The following GLRA3 variants were observed in gnomAD, a reference collection of about 807,000 sequenced individuals.
GLRA3 encodes the protein glycine receptor subunit alpha-3.
GLRA3 carries 44 observed loss-of-function variants against 60.4 expected under a neutral mutation model. That is an observed-to-expected ratio of 0.73 (90% CI 0.57 to 0.94). The LOEUF (loss-of-function observed/expected upper bound fraction) is 0.94, where lower values mean the gene tolerates loss of function less well. Ranked by LOEUF, GLRA3 falls within the 40% of genes least tolerant of loss-of-function variation. The probability of loss-of-function intolerance (pLI) is 0.00; values close to 1 mark genes in which losing one functional copy is unlikely to be tolerated. For synonymous variants in GLRA3, 223 were observed against 192.9 expected (o/e 1.16, Z -1.29); for missense variants, 508 against 564.6 (o/e 0.90, Z 1.02).
chr4:174,659,017 C>A, intron 8 of GLRA3, 37 bp downstream of exon 8: 1 of 1,571,192 alleles, frequency 6.4e-7, no homozygotes, highest in Non-Finnish European at 8.7e-7. Context: ...CGAGTGAAAA[C>A]TGGATTCTGC....
At chr4:174,820,947 C>T (rs952932152) in intron 1 of GLRA3, among the ~76,000 whole-genome samples, 2 of 149,404 alleles carry the variant, frequency 1.3e-5, no homozygotes, top group Non-Finnish European at 2.9e-5. Flanking sequence ...GATTTTTGTA[C>T]ATATTTCCTA....
intron 3 of GLRA3, among the ~76,000 whole-genome samples, chr4:174,751,057 GTCTGTCTATCTATCTATCTATCTA>G (rs1737455575): frequency 7.0e-6 from 1 of 142,288 alleles, no homozygotes; most frequent in Non-Finnish European, 1.5e-5. Flanking sequence ...AAGCCTGTCT[GTCTGTCTATCTATCTATCTATCTA>G]TCTATCTATC....
intron 1 of GLRA3, among the ~76,000 whole-genome samples, chr4:174,804,698 C>T (rs1439832662): frequency 6.6e-6 from 1 of 152,046 alleles, no homozygotes; most frequent in Non-Finnish European, 1.5e-5. Context: ...ATTTAATAGG[C>T]GAAAGCAAGA....
intron 1 of GLRA3, among the ~76,000 whole-genome samples, chr4:174,791,262 G>T (rs1011615039): frequency 6.6e-6 from 1 of 152,140 alleles, no homozygotes; most frequent in East Asian, 1.9e-4. Flanking sequence ...GAATTGGGGT[G>T]ACGCGGCCAC....
chr4:174,767,128 AC>A, intron 2 of GLRA3, 98 bp from the exon 3 acceptor site: 10 of 335,498 alleles, frequency 3.0e-5, no homozygotes, highest in Admixed American at 4.6e-5. Flanking sequence ...CATTTTACAC[AC>A]ACACACACAC....
intron 5 of GLRA3, among the ~76,000 whole-genome samples, chr4:174,702,149 T>C (rs1209372002): frequency 6.6e-6 from 1 of 152,126 alleles, no homozygotes; most frequent in African/African-American, 2.4e-5. Context: ...TACATTCTTG[T>C]CTAATTTTAA....
At position 174,717,116 on chromosome 4, in the gene GLRA3, G is replaced by T. The variant is rs370798949; in HGVS notation, c.492-1546C>A. The stretch of plus-strand genomic sequence containing the variant: ...AATCCTGGCTACTCAGGAAGCTGAG[G>T]TGAGAGTATGGCTTGAGCCCAGGAG... On this transcript the variant is annotated intron_variant, in intron 4 of 9. Transcript: ENST00000274093. Among the ~76,000 whole-genome samples, 65 of 151,004 alleles carry T rather than the reference G, an allele frequency of 4.3e-4. 2 individuals are homozygous for T. In the East Asian group the frequency reaches 0.011, roughly 26 times the overall value.
chr4:174,802,117 G>C (rs766673154), intron 1 of GLRA3, among the ~76,000 whole-genome samples: 16 of 151,988 alleles, frequency 1.1e-4, no homozygotes, highest in South Asian at 2.1e-4. Flanking sequence ...CAGTAGTCAT[G>C]CTTTGAGTAC....
intron 5 of GLRA3, among the ~76,000 whole-genome samples, chr4:174,697,718 ATAATTTGTGACCCC>A (rs989038398): frequency 4.6e-5 from 7 of 152,122 alleles, no homozygotes; most frequent in African/African-American, 1.4e-4. Flanking sequence ...GTGTGGATAT[ATAATTTGTGACCCC>A]TAACTGCTCT....
At chr4:174,690,643 G>A (rs1323228717) in intron 5 of GLRA3, among the ~76,000 whole-genome samples, 1 of 151,878 alleles carries the variant, frequency 6.6e-6, no homozygotes, top group Non-Finnish European at 1.5e-5. Flanking sequence ...GTCTTTTCTG[G>A]GCCTCTCCCT....
intron 7 of GLRA3, among the ~76,000 whole-genome samples, chr4:174,669,057 C>T (rs1198390578): frequency 6.6e-6 from 1 of 151,848 alleles, no homozygotes; most frequent in East Asian, 1.9e-4. Context: ...AATGTCTCTG[C>T]TTGTGTTATG....
chr4:174,717,781 A>T (rs1735981327), intron 4 of GLRA3, among the ~76,000 whole-genome samples: 1 of 152,208 alleles, frequency 6.6e-6, no homozygotes, highest in African/African-American at 2.4e-5. Flanking sequence ...AGGTAGACAC[A>T]ATGTTTTTTG....
Position 174,639,032 on chromosome 4 carries a change from T to C in GLRA3, c.*4754A>G, listed in dbSNP as rs1291277710. 6.6e-6 allele frequency: 1 copy of C among 152,198 alleles called. No individual in the cohort carries two copies. Among genetic ancestry groups the C allele is most frequent in the Non-Finnish European group, 1.5e-5 (1 of 68,030 alleles). 9.4% of individuals were successfully genotyped at this position (152,198 alleles called of 1,614,324 possible). A position where few individuals can be genotyped will look rare whatever the true frequency, so the allele number is the denominator to read the frequency against. ...CAAAAACTACTGAGAAAACCACCTGTTCAGACACTACAAAGTCATCCAATA... is the reference window on the plus strand; with the variant it reads ...CAAAAACTACTGAGAAAACCACCTGCTCAGACACTACAAAGTCATCCAATA... On this transcript the variant is annotated 3_prime_UTR_variant, in exon 10 of 10. Transcript: ENST00000274093.
intron 5 of GLRA3, among the ~76,000 whole-genome samples, chr4:174,713,005 T>C (rs1487864090): frequency 2.0e-5 from 3 of 151,842 alleles, no homozygotes; most frequent in Non-Finnish European, 4.4e-5. Context: ...AGTGTGTGTA[T>C]GTATATGTAA....
Position 174,641,253 on chromosome 4 carries a change from A to C in GLRA3, c.*2533T>G, listed in dbSNP as rs950878262. The C allele has an allele frequency of 6.6e-6, 1 of 152,142 alleles. No homozygotes were observed. The highest frequency in any genetic ancestry group is 1.5e-5 in the Non-Finnish European group (1 of 67,972). 9.4% of individuals were successfully genotyped at this position (152,142 alleles called of 1,614,324 possible). On this transcript the variant is annotated 3_prime_UTR_variant, in exon 10 of 10. Transcript: ENST00000274093. The stretch of plus-strand genomic sequence containing the variant: ...TTTAGTAGTTAATGTATATGCACAC[A>C]TTTTTAATTTCTTGCCATTAATAAT...
chr4:174,803,849 T>G lies in GLRA3; in HGVS notation c.72-14906A>C, dbSNP rs112234818. Among the ~76,000 whole-genome samples the G allele has an allele frequency of 6.6e-3, 1,006 of 152,268 alleles. 12 individuals carry two copies. Among genetic ancestry groups the G allele is most frequent in the African/African-American group, 0.023 (962 of 41,576 alleles). On this transcript the variant is annotated intron_variant, in intron 1 of 9. Coordinates refer to ENST00000274093, the MANE Select transcript of GLRA3 (RefSeq NM_006529.4). ...AGCACCATAAAATTAAGAATCTGATTGATTCATCCCAGTTCATGAATTCAA... is the reference window on the plus strand; with the variant it reads ...AGCACCATAAAATTAAGAATCTGATGGATTCATCCCAGTTCATGAATTCAA...
intron 3 of GLRA3, among the ~76,000 whole-genome samples, chr4:174,763,224 A>G (rs1194448851): frequency 1.3e-5 from 2 of 152,200 alleles, no homozygotes; most frequent in Admixed American, 1.3e-4. Flanking sequence ...GCCAGGCTGC[A>G]GAAATAACTT....
chr4:174,709,737 C>T (rs1015326345), intron 5 of GLRA3, among the ~76,000 whole-genome samples: 3 of 151,962 alleles, frequency 2.0e-5, no homozygotes, highest in South Asian at 2.1e-4. Flanking sequence ...GGGAAACATC[C>T]GAACTTGGAA....
intron 7 of GLRA3, among the ~76,000 whole-genome samples, chr4:174,661,869 G>T (rs866271201): frequency 2.0e-5 from 3 of 152,292 alleles, no homozygotes; most frequent in Middle Eastern, 3.4e-3. Flanking sequence ...TGAACACAAA[G>T]GGAAGAGACA....
Sources: gnomAD v4.1 joint callset for allele counts (sites outside exome capture counted in the v4.1 genomes callset) on GRCh38, gnomAD v4.1.1 for gene constraint, MANE v1.5 for transcripts, NCBI Gene and HGNC (gene_info 2026-07-23, HGNC 2026-07-21) for gene names.